The following TUT1 variants were observed in gnomAD, a reference collection of about 807,000 sequenced individuals.
TUT1 encodes the protein speckle targeted PIP5K1A-regulated poly(A) polymerase.
Under a neutral mutation model 48.8 loss-of-function variants are expected in TUT1, and 26 were observed. The ratio of observed to expected loss-of-function variants is 0.53; its 90% CI spans 0.39 to 0.74. The LOEUF is 0.74. Ranked by LOEUF, TUT1 falls within the 30% of genes least tolerant of loss-of-function variation. TUT1 has a pLI of 0.00. For missense variants in TUT1, 1,065 were observed against 1,114.8 expected (o/e 0.96, Z 0.64); for synonymous variants, 470 against 460.8 (o/e 1.02, Z -0.26).
rs1328577141 is a variant in TUT1, at chr11:62,578,630, G to A, written c.1091C>T (p.Ala364Val). The A allele has an allele frequency of 1.9e-6, 3 of 1,614,044 alleles. No homozygotes were observed. The highest frequency in any genetic ancestry group is 1.7e-6 in the Non-Finnish European group (2 of 1,180,018). ...GVYRVQTVPSARRPVVKFCHR... is the reference protein window; with the variant it reads ...GVYRVQTVPSVRRPVVKFCHR... ...ACAGAACTTGACCACAGGGCGCCGG[G>A]CAGAGGGCACAGTTTGGACTCGATA... The change falls in exon 5 of 9, where the codon GCC becomes GTC. Residue 364 changes from alanine to valine, a missense_variant. Transcript: ENST00000476907.
chr11:62,576,314 G>A (rs763139862), intron 8 of TUT1, 70 bp from the exon 9 acceptor site: 5 of 1,444,506 alleles, frequency 3.5e-6, no homozygotes, highest in Non-Finnish European at 3.6e-6. Context: ...TCCTGCACCA[G>A]AGCCATTTCC....
intron 2 of TUT1, among the ~76,000 whole-genome samples, chr11:62,588,280 G>A (rs1048269283): frequency 3.3e-5 from 5 of 152,232 alleles, no homozygotes; most frequent in Non-Finnish European, 4.4e-5. Context: ...GGGACTGGGA[G>A]CAGTGGCTCA....
intron 4 of TUT1, among the ~76,000 whole-genome samples, chr11:62,580,452 G>C (rs546562792): frequency 2.9e-4 from 44 of 150,314 alleles, no homozygotes; most frequent in African/African-American, 1.0e-3. Flanking sequence ...AGAGTTAGAC[G>C]GTCTCTCAAA....
At chr11:62,583,649 C>CA (rs1405169353) in intron 2 of TUT1, among the ~76,000 whole-genome samples, 6 of 151,960 alleles carry the variant, frequency 3.9e-5, no homozygotes, top group Non-Finnish European at 5.9e-5. Context: ...CTGCTTTAGG[C>CA]AAAAAAGTCC....
chr11:62,575,570 T>C lies in TUT1; in HGVS notation c.2149A>G (p.Thr717Ala), dbSNP rs1941707634. 1 of 1,614,032 alleles carries C rather than the reference T, an allele frequency of 6.2e-7. No homozygotes were observed. Among genetic ancestry groups the C allele is most frequent in the Non-Finnish European group, 8.5e-7 (1 of 1,180,014 alleles). ...CCAGGGGCTCCATGCTTTCCAGTGG[T>C]CAGGGGCAGGTCCCCTGGCTGCCCA... ...SPGQPGDLPL[T>A]TGKHGAPGEE... Residue 717 changes from threonine (T) to alanine (A), a missense_variant, in exon 9 of 9, where the codon ACC becomes GCC. Transcript: ENST00000476907.
intron 2 of TUT1, among the ~76,000 whole-genome samples, chr11:62,586,772 C>T (rs1047290931): frequency 1.5e-4 from 23 of 150,822 alleles, no homozygotes; most frequent in Non-Finnish European, 2.7e-4. Flanking sequence ...AAAAATTAGC[C>T]GGGTGTGGTG....
At chr11:62,578,063 CAAAAAAAAA>C (rs200086998) in intron 5 of TUT1, among the ~76,000 whole-genome samples, 28 of 107,072 alleles carry the variant, frequency 2.6e-4, no homozygotes, top group Non-Finnish European at 2.5e-4. Context: ...CTCCGTCTCA[CAAAAAAAAA>C]AAAAAAAAAA....
At chr11:62,589,272 C>A in intron 1 of TUT1, 51 bp from the exon 2 acceptor site, 1 of 1,569,610 alleles carries the variant, frequency 6.4e-7, no homozygotes, top group South Asian at 1.1e-5. Flanking sequence ...TTCGACGTGT[C>A]TGCCTTTGCT....
chr11:62,577,143 G>A (rs1188772169), intron 6 of TUT1, 39 bp downstream of exon 6: 7 of 1,600,998 alleles, frequency 4.4e-6, no homozygotes, highest in East Asian at 2.2e-5. Flanking sequence ...TTTGTCCTGA[G>A]ACCAACTCAG....
chr11:62,580,045 CAGG>C (rs995336716), intron 4 of TUT1, among the ~76,000 whole-genome samples: 2 of 152,098 alleles, frequency 1.3e-5, no homozygotes, highest in African/African-American at 2.4e-5. Flanking sequence ...GAGAATGAGG[CAGG>C]AGGATTCCTT....
In TUT1 at chr11:62,575,701, CCCT is replaced by C. The variant is rs769148171; in HGVS notation, c.2015_2017del (p.Glu672del). The stretch of plus-strand genomic sequence containing the variant: ...TGCACATCCCTGCTGCTCCTCTTTC[CCCT>C]CCTCACAGCAGTTTTTCTGTCCATC... On this transcript the variant is annotated inframe_deletion, in exon 9 of 9. Coordinates refer to ENST00000476907, the MANE Select transcript of TUT1 (RefSeq NM_022830.3). 3 of 1,614,200 alleles carry C rather than the reference CCCT, an allele frequency of 1.9e-6. No homozygotes were observed. Among genetic ancestry groups the C allele is most frequent in the South Asian group, 1.1e-5 (1 of 91,084 alleles).
In TUT1 at chr11:62,581,428, C is replaced by G. The variant is rs762917386; in HGVS notation, c.547G>C (p.Val183Leu). The part of the protein sequence containing the change: ...SEAERQLRSL[V>L]VALMQEVFTE... The stretch of plus-strand genomic sequence containing the variant: ...AAGACCTCCTGCATCAGGGCCACCA[C>G]TAGGCTGCGAAGCTGCCGCTCGGCC... The change falls in exon 3 of 9, where the codon GTG becomes CTG. Residue 183 changes from valine (V) to leucine (L), a missense_variant. By Grantham distance (32) the Val-to-Leu change is conservative. Transcript: ENST00000476907. 2 of 1,612,156 alleles carry G rather than the reference C, an allele frequency of 1.2e-6. No homozygotes were observed. The highest frequency in any genetic ancestry group is 1.1e-5 in the South Asian group (1 of 90,900).
At chr11:62,590,743 T>G (rs544952621) in intron 1 of TUT1, among the ~76,000 whole-genome samples, 2 of 151,406 alleles carry the variant, frequency 1.3e-5, no homozygotes, top group South Asian at 4.2e-4. Context: ...GCCCGGGAGG[T>G]TGAGGCTGCA....
rs1360937773 is a variant in TUT1, at chr11:62,575,148, A to G, written c.2571T>C (p.Asp857=). 5 of 1,596,068 alleles carry G rather than the reference A, an allele frequency of 3.1e-6. No homozygotes were observed. Among genetic ancestry groups the G allele is most frequent in the Non-Finnish European group, 3.4e-6 (4 of 1,168,192 alleles). Residue 857 remains aspartate (D), a synonymous_variant, in exon 9 of 9, where the codon GAT becomes GAC. Coordinates refer to ENST00000476907, the MANE Select transcript of TUT1 (RefSeq NM_022830.3). ...GGAAAACCTGTAAGAAATGATGGAGATCAGGGAACAGGCCTTGGGGATCCT... is the reference window on the plus strand; with the variant it reads ...GGAAAACCTGTAAGAAATGATGGAGGTCAGGGAACAGGCCTTGGGGATCCT... ...PLQDPQGLFP[D]LHHFLQVFLP...
At chr11:62,586,019 T>C (rs935960020) in intron 2 of TUT1, among the ~76,000 whole-genome samples, 1 of 152,080 alleles carries the variant, frequency 6.6e-6, no homozygotes, top group African/African-American at 2.4e-5. Flanking sequence ...GGAGAATCAC[T>C]TGAACCCGGG....
At position 62,579,333 on chromosome 11, in the gene TUT1, G is replaced by T. The variant is rs1941788975; in HGVS notation, c.691-303C>A. Among the ~76,000 whole-genome samples the T allele has an allele frequency of 2.0e-5, 3 of 152,328 alleles. No individual in the cohort carries two copies. In the South Asian group the frequency reaches 6.2e-4, roughly 32 times the overall value. ...AGCTGACCAAATTAGAGTATGGACT[G>T]TAAAGTCTGTAAAGGTTTACATCTG... is the stretch of plus-strand genomic sequence containing the variant. On this transcript the variant is annotated intron_variant, in intron 4 of 8. Coordinates refer to ENST00000476907, the MANE Select transcript of TUT1 (RefSeq NM_022830.3).
chr11:62,581,773 G>C (rs1272540668), intron 2 of TUT1, 72 bp from the exon 3 acceptor site: 1 of 1,207,124 alleles, frequency 8.3e-7, no homozygotes, highest in Non-Finnish European at 1.1e-6. Flanking sequence ...CAGTGGATGA[G>C]AATATTTGAA....
chr11:62,583,034 A>G (rs1005251512), intron 2 of TUT1, among the ~76,000 whole-genome samples: 1 of 150,552 alleles, frequency 6.6e-6, no homozygotes, highest in Admixed American at 6.6e-5. Context: ...AGGCTAAGGC[A>G]GGAGAATGGC....
intron 3 of TUT1, 74 bp downstream of exon 3, chr11:62,581,312 G>C: frequency 1.3e-6 from 2 of 1,559,392 alleles, no homozygotes; most frequent in Non-Finnish European, 1.7e-6. Context: ...CTCTAGCGGA[G>C]GAAGGACTGG....
Sources: allele counts gnomAD v4.1 joint callset (sites outside exome capture counted in the v4.1 genomes callset), GRCh38; gene constraint gnomAD v4.1.1; transcripts MANE v1.5; gene names NCBI Gene and HGNC (gene_info 2026-07-23, HGNC 2026-07-21).